The following SFPQ variants were observed in gnomAD, a reference collection of about 807,000 sequenced individuals.
SFPQ encodes the protein splicing factor, proline- and glutamine-rich.
SFPQ carries 11 observed loss-of-function variants against 72.9 expected under a neutral mutation model. The observed-to-expected ratio is 0.15, with a 90% CI of 0.09 to 0.25. The LOEUF is 0.25. Among genes scored for constraint, SFPQ ranks in the 10% least tolerant of loss-of-function variants. The pLI, the probability that SFPQ is intolerant of heterozygous loss-of-function variation, is 1.00. For missense variants in SFPQ, 847 were observed against 993.3 expected (o/e 0.85, Z 1.98); for synonymous variants, 506 against 367.3 (o/e 1.38, Z -4.32).
At chr1:35,186,774 A>G (rs1196608256) in intron 9 of SFPQ, among the ~76,000 whole-genome samples, 1 of 152,182 alleles carries the variant, frequency 6.6e-6, no homozygotes, top group Non-Finnish European at 1.5e-5. Context: ...TAATACTAAC[A>G]GCATTGACTC....
chr1:35,179,969 T>C (rs976277005), downstream of SFPQ: 5 of 1,053,018 alleles, frequency 4.7e-6, no homozygotes, highest in African/African-American at 8.3e-5. Flanking sequence ...ATATTGTTGA[T>C]ATGCAGAGGC....
At chr1:35,185,424 C>G (rs369322357) in intron 9 of SFPQ, among the ~76,000 whole-genome samples, 1 of 152,150 alleles carries the variant, frequency 6.6e-6, no homozygotes, top group African/African-American at 2.4e-5. Context: ...AGACACTTCC[C>G]GAACAGTGAA....
chr1:35,192,154 G>A lies in SFPQ; in HGVS notation c.828+68C>T, dbSNP rs1003358131. On this transcript the variant is annotated intron_variant, in intron 1 of 9. Transcript: ENST00000357214. ...CCGACAAAATGGAAGCCCAGCGCGG[G>A]GGCGGGGGCGAGGAGGGGGCCGCCG... The A allele has an allele frequency of 3.4e-5, 42 of 1,221,552 alleles. No homozygotes were observed. In the East Asian group the frequency reaches 1.3e-3, roughly 37 times the overall value. The allele number at this position is 1,221,552 out of a possible 1,614,324, so 75.7% of individuals were successfully genotyped here.
At chr1:35,181,909 C>A (rs1639485474), downstream of SFPQ, 3 of 985,048 alleles carry the variant, frequency 3.0e-6, no homozygotes, top group Admixed American at 1.8e-4. Context: ...TGATGAAAGT[C>A]AAATGTCATT....
intron 7 of SFPQ, 67 bp from the exon 8 acceptor site, chr1:35,187,318 G>A (rs1051920238): frequency 2.9e-6 from 4 of 1,399,498 alleles, no homozygotes; most frequent in South Asian, 2.4e-5. Context: ...TAAGAACTGA[G>A]AAATTTTCAA....
chr1:35,181,082 G>A (rs1204636674), downstream of SFPQ: 13 of 1,064,634 alleles, frequency 1.2e-5, no homozygotes, highest in Non-Finnish European at 1.4e-5. Context: ...GAATGCCCAC[G>A]GAATAAAAGT....
At chr1:35,190,475 C>CA (rs760293361) in intron 4 of SFPQ, 23 bp downstream of exon 4, 15 of 1,537,806 alleles carry the variant, frequency 9.8e-6, no homozygotes, top group Admixed American at 1.8e-5. Flanking sequence ...TAAAAACTGC[C>CA]AAAAAAGTTT....
In SFPQ at chr1:35,183,155, G is replaced by T. The variant is rs1053946; in HGVS notation, c.*1301C>A. 2.0e-6 allele frequency: 2 copies of T among 1,023,582 alleles called. No homozygotes were observed. The highest frequency in any genetic ancestry group is 3.4e-5 in the African/African-American group (2 of 58,748). 63.4% of individuals were successfully genotyped at this position (1,023,582 alleles called of 1,614,324 possible). The stretch of plus-strand genomic sequence containing the variant: ...GTCCTATAGATTTTGCCCAACAGAA[G>T]TAGCACAAGGAGATGTAAAAGTTAC... On this transcript the variant is annotated 3_prime_UTR_variant, in exon 10 of 10. Transcript: ENST00000357214.
chr1:35,188,542 G>T (rs1639840256), intron 6 of SFPQ, among the ~76,000 whole-genome samples: 1 of 152,154 alleles, frequency 6.6e-6, no homozygotes, highest in African/African-American at 2.4e-5. Context: ...ATTAGCTGGG[G>T]GTGGTGGCCT....
At chr1:35,191,695 T>C (rs557763412) in intron 1 of SFPQ, among the ~76,000 whole-genome samples, 166 bp from the exon 2 acceptor site, 2 of 152,120 alleles carry the variant, frequency 1.3e-5, no homozygotes, top group Non-Finnish European at 2.9e-5. Context: ...ATCTTAACAT[T>C]GAAAAAGGAG....
downstream of SFPQ, chr1:35,177,953 A>G: frequency 9.6e-7 from 1 of 1,038,918 alleles, no homozygotes; most frequent in Non-Finnish European, 1.2e-6. Flanking sequence ...CAAACTCAAA[A>G]GCCTGTAGGG....
downstream of SFPQ, chr1:35,181,765 T>C (rs2148607757): frequency 1.0e-6 from 1 of 985,382 alleles, no homozygotes; most frequent in Non-Finnish European, 1.2e-6. Context: ...CCACCCCAAG[T>C]TTCAGATCGA....
In SFPQ at chr1:35,183,288, A is replaced by C; in HGVS notation, c.*1168T>G. 2.1e-6 allele frequency: 1 copy of C among 474,684 alleles called. No homozygotes were observed. The highest frequency in any genetic ancestry group is 2.8e-6 in the Non-Finnish European group (1 of 356,360). 29.4% of individuals were successfully genotyped at this position (474,684 alleles called of 1,614,324 possible). On this transcript the variant is annotated 3_prime_UTR_variant, in exon 10 of 10. Coordinates refer to ENST00000357214, the MANE Select transcript of SFPQ (RefSeq NM_005066.3). ...CAGGCTGGAGTGCAGTGGCAGTCTC[A>C]GCTCACTGCAACCTCCATCTCCAGG...
chr1:35,178,344 T>G, downstream of SFPQ: 3 of 1,068,964 alleles, frequency 2.8e-6, no homozygotes, highest in Non-Finnish European at 3.4e-6. Flanking sequence ...ATCCCTTATG[T>G]GAAGGTATGT....
At chr1:35,187,325 T>G (rs1355726159) in intron 7 of SFPQ, 74 bp from the exon 8 acceptor site, 1 of 1,324,358 alleles carries the variant, frequency 7.6e-7, no homozygotes, top group African/African-American at 1.5e-5. Flanking sequence ...TGAGAAATTT[T>G]CAAGAGTTAA....
At position 35,192,942 on chromosome 1, in the gene SFPQ, G is replaced by A; in HGVS notation, c.108C>T (p.Pro36=). 1.3e-6 allele frequency: 2 copies of A among 1,586,646 alleles called. No individual in the cohort carries two copies. Among genetic ancestry groups the A allele is most frequent in the Non-Finnish European group, 1.7e-6 (2 of 1,174,592 alleles). Residue 36 remains proline, a synonymous_variant, in exon 1 of 10, where the codon CCC becomes CCT. Transcript: ENST00000357214. ...CGCGATTCTGATTGAGGCCCATGCC[G>A]GGCGGCGGAGAACGGAAGTCGTGGA... ...GGLHDFRSPP[P]GMGLNQNRGP... is the part of the protein sequence containing the mutation.
chr1:35,183,178 TAC>T lies in SFPQ; in HGVS notation c.*1276_*1277del, dbSNP rs1199177604. ...AAGTAGCACAAGGAGATGTAAAAGT[TAC>T]AGAGTACAAATGTATATATAACTAA... On this transcript the variant is annotated 3_prime_UTR_variant, in exon 10 of 10. Transcript: ENST00000357214. 2.4e-5 allele frequency: 25 copies of T among 1,021,076 alleles called. No homozygotes were observed. In the South Asian group the frequency reaches 2.8e-4, roughly 11 times the overall value. The allele number at this position is 1,021,076 out of a possible 1,614,324, so 63.3% of individuals were successfully genotyped here.
downstream of SFPQ, chr1:35,180,911 A>G (rs1371329419): frequency 5.1e-6 from 5 of 985,182 alleles, no homozygotes; most frequent in African/African-American, 1.7e-5. Context: ...TATACCAAAG[A>G]ATCAAGTTTG....
chr1:35,178,882 CT>C (rs145736660), downstream of SFPQ: 18,634 of 1,026,544 alleles, frequency 0.018, 841 homozygotes, highest in East Asian at 0.32. Context: ...CCTTTTCACT[CT>C]CAAAAAAAAA....
Sources: gnomAD v4.1 joint callset for allele counts (sites outside exome capture counted in the v4.1 genomes callset) on GRCh38, gnomAD v4.1.1 for gene constraint, MANE v1.5 for transcripts, NCBI Gene and HGNC (gene_info 2026-07-23, HGNC 2026-07-21) for gene names.